The following SPAG16 variants were observed in gnomAD, a reference collection of about 807,000 sequenced individuals.
SPAG16 encodes sperm-associated antigen 16 protein.
SPAG16 carries 86 observed loss-of-function variants against 80.4 expected under a neutral mutation model. That is an observed-to-expected ratio of 1.07 (90% CI 0.90 to 1.28). The LOEUF is 1.28. SPAG16 is among the 50% of genes most tolerant of loss of function. The pLI, the probability that SPAG16 is intolerant of heterozygous loss-of-function variation, is 0.00. For synonymous variants in SPAG16, 294 were observed against 265.9 expected, an observed-to-expected ratio of 1.11 and a Z score of -1.03; for missense variants, 870 against 765.3, an observed-to-expected ratio of 1.14 and a Z score of -1.61.
At chr2:214,267,787 G>A (rs1185453504) in intron 15 of SPAG16, among the ~76,000 whole-genome samples, 1 of 151,542 alleles carries the variant, frequency 6.6e-6, no homozygotes, top group Non-Finnish European at 1.5e-5. Context: ...ATTCTTCACA[G>A]AAATAGAAAA....
At chr2:214,338,845 T>A (rs1697475151) in intron 15 of SPAG16, among the ~76,000 whole-genome samples, 1 of 152,224 alleles carries the variant, frequency 6.6e-6, no homozygotes, top group Non-Finnish European at 1.5e-5. Context: ...ACAGAATAGT[T>A]GCGATTTTTG....
intron 15 of SPAG16, among the ~76,000 whole-genome samples, chr2:214,356,197 A>G (rs1046663660): frequency 6.6e-6 from 1 of 152,000 alleles, no homozygotes; most frequent in African/African-American, 2.4e-5. Flanking sequence ...AATAATAATA[A>G]AATTTAAAAA....
intron 13 of SPAG16, among the ~76,000 whole-genome samples, chr2:214,072,130 T>C (rs905114032): frequency 3.9e-5 from 6 of 152,098 alleles, no homozygotes; most frequent in Non-Finnish European, 5.9e-5. Flanking sequence ...CCTTAACATT[T>C]CCAGTTTCCA....
At chr2:213,889,742 C>T (rs1559555912) in intron 11 of SPAG16, among the ~76,000 whole-genome samples, 2 of 148,284 alleles carry the variant, frequency 1.3e-5, no homozygotes, top group Non-Finnish European at 3.0e-5. Context: ...TATATATATA[C>T]ATATTTTTTA....
intron 13 of SPAG16, among the ~76,000 whole-genome samples, chr2:214,017,155 G>A (rs140495022): frequency 9.2e-4 from 140 of 152,242 alleles, no homozygotes; most frequent in African/African-American, 3.3e-3. Context: ...AGTCAAGGGG[G>A]CATTGTGGAA....
chr2:213,838,379 G>T (rs1033017719), intron 10 of SPAG16, among the ~76,000 whole-genome samples: 1 of 152,086 alleles, frequency 6.6e-6, no homozygotes, highest in Non-Finnish European at 1.5e-5. Context: ...CACCATGTTG[G>T]CCAGGCTGGT....
At chr2:213,335,067 T>A (rs561382074) in intron 5 of SPAG16, among the ~76,000 whole-genome samples, 61 of 152,324 alleles carry the variant, frequency 4.0e-4, no homozygotes, top group Admixed American at 6.5e-4. Flanking sequence ...TATATACATC[T>A]ACTATGTACC....
intron 9 of SPAG16, among the ~76,000 whole-genome samples, chr2:213,428,302 G>A (rs1399341748): frequency 6.6e-6 from 1 of 152,188 alleles, no homozygotes; most frequent in African/African-American, 2.4e-5. Flanking sequence ...TCCAGGCTGT[G>A]AGAGAATACC....
At chr2:214,102,877 C>T (rs1488767487) in intron 13 of SPAG16, among the ~76,000 whole-genome samples, 5 of 152,026 alleles carry the variant, frequency 3.3e-5, no homozygotes, top group Admixed American at 6.6e-5. Flanking sequence ...GAGACCTAAG[C>T]GGGCTCATGA....
Position 213,505,521 on chromosome 2 carries a change from G to T in SPAG16, c.1070+15431G>T, listed in dbSNP as rs372416833. ...TTAAAACATAAGTTAGTATTTATTT[G>T]GTTAGGATGAAGCAGTTGATGATAA... On this transcript the variant is annotated intron_variant, in intron 10 of 15. Coordinates refer to ENST00000331683, the MANE Select transcript of SPAG16 (RefSeq NM_024532.5). Among the ~76,000 whole-genome samples the T allele has an allele frequency of 4.3e-4, 65 of 152,144 alleles. 3 individuals carry two copies. In the East Asian group the frequency reaches 6.8e-3, roughly 16 times the overall value.
rs368777517 is a variant in SPAG16, at chr2:213,297,038, A to G, written c.184-224A>G. 40 of 1,363,306 alleles carry G rather than the reference A, an allele frequency of 2.9e-5. No individual in the cohort carries two copies. In the African/African-American group the frequency reaches 5.5e-4, roughly 19 times the overall value. The allele number at this position is 1,363,306 out of a possible 1,614,324, so 84.5% of individuals were successfully genotyped here. On this transcript the variant is annotated intron_variant, in intron 2 of 15. Transcript: ENST00000331683. ...CTATTATAGATAAAAGCAGTTGCCC[A>G]CAAACTAATCCTGAATTTATTAGAA... is the stretch of plus-strand genomic sequence containing the variant.
intron 15 of SPAG16, among the ~76,000 whole-genome samples, chr2:214,357,736 T>C (rs1035933679): frequency 2.6e-5 from 4 of 151,994 alleles, no homozygotes; most frequent in Non-Finnish European, 5.9e-5. Context: ...TTCATGTGGC[T>C]TGTTACCTTA....
At chr2:214,348,592 G>A (rs1037973590) in intron 15 of SPAG16, among the ~76,000 whole-genome samples, 3 of 152,044 alleles carry the variant, frequency 2.0e-5, no homozygotes, top group Admixed American at 6.6e-5. Context: ...CCCAGTTACC[G>A]TGAGAACACC....
intron 10 of SPAG16, among the ~76,000 whole-genome samples, chr2:213,841,927 T>TA (rs199987338): frequency 6.6e-6 from 1 of 152,146 alleles, no homozygotes; most frequent in Non-Finnish European, 1.5e-5. Flanking sequence ...CAGAATATTT[T>TA]AACGGCAAAA....
chr2:214,164,323 A>T (rs1022438586), intron 15 of SPAG16, among the ~76,000 whole-genome samples: 1 of 152,160 alleles, frequency 6.6e-6, no homozygotes, highest in African/African-American at 2.4e-5. Flanking sequence ...ACAAAGAGTG[A>T]TGAAGTGGAA....
At chr2:213,296,958 G>A (rs918804522) in intron 2 of SPAG16, 4 of 773,306 alleles carry the variant, frequency 5.2e-6, no homozygotes, top group Non-Finnish European at 7.0e-6. Flanking sequence ...GGGCAAGAAT[G>A]GTGATATTTA....
intron 15 of SPAG16, among the ~76,000 whole-genome samples, chr2:214,272,915 A>C (rs1408003252): frequency 3.3e-5 from 5 of 152,166 alleles, no homozygotes; most frequent in African/African-American, 1.2e-4. Flanking sequence ...CCAACAGTGT[A>C]AAAGTGTTCC....
chr2:213,857,998 T>G (rs1233140331), intron 10 of SPAG16, among the ~76,000 whole-genome samples: 3 of 152,196 alleles, frequency 2.0e-5, no homozygotes, highest in African/African-American at 7.2e-5. Flanking sequence ...GAAAATGCGA[T>G]TCAATTGCTA....
At chr2:213,376,167 C>G (rs1316570240) in intron 9 of SPAG16, among the ~76,000 whole-genome samples, 1 of 151,514 alleles carries the variant, frequency 6.6e-6, no homozygotes, top group East Asian at 1.9e-4. Flanking sequence ...GAGGTAGACT[C>G]ACATCAGATT....
Sources: allele counts gnomAD v4.1 joint callset (sites outside exome capture counted in the v4.1 genomes callset), GRCh38; gene constraint gnomAD v4.1.1; transcripts MANE v1.5; gene names NCBI Gene and HGNC (gene_info 2026-07-23, HGNC 2026-07-21).